The following RPGR variants were observed in gnomAD, a reference collection of about 807,000 sequenced individuals.
RPGR encodes the protein retinitis pigmentosa GTPase regulator.
RPGR carries 10 observed loss-of-function variants against 56.3 expected under a neutral mutation model. The observed-to-expected ratio is 0.18, with a 90% confidence interval of 0.11 to 0.30. RPGR has a LOEUF of 0.30. RPGR is among the 10% of genes least tolerant of loss of function. The probability of loss-of-function intolerance (pLI) is 1.00; values close to 1 mark genes in which losing one functional copy is unlikely to be tolerated. For synonymous variants in RPGR, 197 were observed against 212.9 expected, an observed-to-expected ratio of 0.93 and a Z score of 0.65; for missense variants, 538 against 590.9, an observed-to-expected ratio of 0.91 and a Z score of 0.93.
chrX:38,318,749 TC>T (rs1040765644), intron 5 of RPGR, 79 bp downstream of exon 5: 1 of 1,035,895 alleles, frequency 9.7e-7, no homozygotes, highest in Non-Finnish European at 1.3e-6. Flanking sequence ...ACAGCAATGC[TC>T]CCTTCGGTTT....
intron 15 of RPGR, among the ~76,000 whole-genome samples, chrX:38,281,910 G>GT (rs201145231): frequency 1.8e-5 from 2 of 109,469 alleles, no homozygotes; most frequent in African/African-American, 6.7e-5. Context: ...TCTCACAGAT[G>GT]TTTTTTTTCT....
chrX:38,298,121 T>G (rs1354430078), intron 10 of RPGR, among the ~76,000 whole-genome samples: 3 of 108,772 alleles, frequency 2.8e-5, no homozygotes, highest in Non-Finnish European at 5.7e-5. Context: ...TACAAAAAAA[T>G]TAGCCGGGCA....
In RPGR at chrX:38,304,624, C is replaced by T. The variant is rs777626610; in HGVS notation, c.934+11G>A. On this transcript the variant is annotated intron_variant, in intron 8 of 18. Transcript: ENST00000642395. ...GTTCTATAAATATATAACAGAAATT[C>T]TAATCCATACCTGTTATCAAAGCTG... The T allele has an allele frequency of 2.7e-5, 31 of 1,160,349 alleles. No individual in the cohort carries two copies. In the South Asian group the frequency reaches 5.6e-4, roughly 21 times the overall value.
rs191481506 is a variant in RPGR, at chrX:38,287,771, C to T, written c.1753+90G>A. ...ATTTCCTTAGCATCAAGTTGATCAA[C>T]ACCATTATTATTTTCATGTCTATAT... On this transcript the variant is annotated intron_variant, in intron 14 of 18. Transcript: ENST00000642395. The T allele has an allele frequency of 2.7e-4, 228 of 847,002 alleles. No homozygotes were observed. In the East Asian group the frequency reaches 6.3e-3, roughly 23 times the overall value. The allele number at this position is 847,002 out of a possible 1,213,427, so 69.8% of individuals were successfully genotyped here. A position where few individuals can be genotyped will look rare whatever the true frequency, so the allele number is the denominator to read the frequency against.
At position 38,327,502 on chromosome X, in the gene RPGR, TC is replaced by T. The variant is rs2068076554; in HGVS notation, c.-136del. On this transcript the variant is annotated 5_prime_UTR_variant, in exon 1 of 19. Transcript: ENST00000642395. ...GTTCCGCATGGCGAAACTCCGGAGA[TC>T]AACTACAACCGCGCTCCCGGAAGTC... The T allele has an allele frequency of 1.7e-6, 1 of 604,190 alleles. No homozygotes were observed. Among genetic ancestry groups the T allele is most frequent in the South Asian group, 3.4e-5 (1 of 29,844 alleles). 49.8% of individuals were successfully genotyped at this position (604,190 alleles called of 1,213,427 possible).
intron 6 of RPGR, among the ~76,000 whole-genome samples, chrX:38,311,631 T>C (rs1286555688): frequency 9.0e-6 from 1 of 111,610 alleles, no homozygotes; most frequent in Non-Finnish European, 1.9e-5. Flanking sequence ...ATGTGAATGA[T>C]TAATGATTTT....
chrX:38,287,384 T>C (rs2067206567), intron 14 of RPGR, 139 bp from the exon 15 acceptor site: 1 of 957,140 alleles, frequency 1.0e-6, no homozygotes, highest in Admixed American at 2.2e-5. Context: ...TCATCCTCTT[T>C]CTCTCCACTA....
At chrX:38,290,057 T>C (rs1158497448) in intron 13 of RPGR, among the ~76,000 whole-genome samples, 3 of 112,401 alleles carry the variant, frequency 2.7e-5, no homozygotes, top group African/African-American at 6.5e-5. Context: ...AATGCTGTTA[T>C]TCACCATGCC....
chrX:38,290,601 C>T (rs775227909), intron 13 of RPGR, among the ~76,000 whole-genome samples: 1 of 111,714 alleles, frequency 9.0e-6, no homozygotes, highest in African/African-American at 3.3e-5. Flanking sequence ...AATTCAAAGT[C>T]ATACTCAACC....
intron 6 of RPGR, among the ~76,000 whole-genome samples, chrX:38,315,489 C>T (rs1041119870): frequency 9.0e-6 from 1 of 111,698 alleles, no homozygotes; most frequent in Admixed American, 9.6e-5. Flanking sequence ...TGCGTGTTCT[C>T]ACTTATTTGT....
chrX:38,284,520 G>T (rs1283733821), intron 15 of RPGR: 8 of 746,148 alleles, frequency 1.1e-5, no homozygotes, highest in Non-Finnish European at 1.3e-5. Context: ...AGAAATGAAG[G>T]CTCTGATAAA....
intron 6 of RPGR, among the ~76,000 whole-genome samples, chrX:38,315,050 C>T (rs928067042): frequency 9.0e-5 from 10 of 111,597 alleles, no homozygotes; most frequent in Non-Finnish European, 1.9e-4. Flanking sequence ...AAATGTGGGG[C>T]CAGACGCGGT....
chrX:38,308,056 T>C (rs2067637565), intron 7 of RPGR: 1 of 111,979 alleles, frequency 8.9e-6, no homozygotes, highest in African/African-American at 3.2e-5. Flanking sequence ...CAAAGTTATT[T>C]ATGAACTGTA....
intron 1 of RPGR, chrX:38,325,866 C>T (rs1388276199): frequency 1.8e-5 from 2 of 112,278 alleles, no homozygotes; most frequent in African/African-American, 6.5e-5. Flanking sequence ...CATTTAAACA[C>T]ACACATACAC....
intron 8 of RPGR, among the ~76,000 whole-genome samples, chrX:38,302,453 C>T (rs2067519240): frequency 9.0e-6 from 1 of 111,287 alleles, no homozygotes; most frequent in South Asian, 3.8e-4. Flanking sequence ...ACTAATACCC[C>T]TGAAGCACTA....
In RPGR at chrX:38,323,193, T is replaced by C. The variant is rs773901890; in HGVS notation, c.154+206A>G. 1.2e-4 allele frequency among the ~76,000 whole-genome samples: 13 copies of C among 112,223 alleles called. No individual in the cohort carries two copies. In the South Asian group the frequency reaches 3.7e-3, roughly 32 times the overall value. On this transcript the variant is annotated intron_variant, in intron 2 of 18. Coordinates refer to ENST00000642395, the MANE Select transcript of RPGR (RefSeq NM_000328.3). The stretch of plus-strand genomic sequence containing the variant: ...ATTCATTCCAAGAAAGTTGTGTGTA[T>C]AGAAAATCATACTTAAATATACTAA...
intron 1 of RPGR, among the ~76,000 whole-genome samples, chrX:38,325,280 G>C (rs1257203500): frequency 2.7e-5 from 3 of 110,676 alleles, no homozygotes; most frequent in African/African-American, 9.9e-5. Flanking sequence ...AGGTTACAGA[G>C]GGTATGCACT....
chrX:38,311,964 C>A (rs2067726875), intron 6 of RPGR, among the ~76,000 whole-genome samples: 1 of 111,987 alleles, frequency 8.9e-6, no homozygotes, highest in Non-Finnish European at 1.9e-5. Flanking sequence ...AGATGCTTAT[C>A]TTTTTCCCAC....
intron 6 of RPGR, among the ~76,000 whole-genome samples, chrX:38,313,286 G>A (rs5963400): frequency 0.21 from 22,704 of 110,462 alleles, 1,789 homozygotes; most frequent in African/African-American, 0.27. Flanking sequence ...AATGTCTTAC[G>A]TTACCAATCA....
Sources: allele counts gnomAD v4.1 joint callset (sites outside exome capture counted in the v4.1 genomes callset), GRCh38; gene constraint gnomAD v4.1.1; transcripts MANE v1.5; gene names NCBI Gene and HGNC (gene_info 2026-07-23, HGNC 2026-07-21).